Variants in ASCC3 observed in about 807,000 individuals in gnomAD.
ASCC3 encodes ASC-1 complex subunit P200.
Under a neutral mutation model 256.3 loss-of-function variants are expected in ASCC3, and 158 were observed. The observed-to-expected ratio is 0.62, with a 90% CI of 0.54 to 0.70. The LOEUF is 0.70. Among genes scored for constraint, ASCC3 ranks in the 30% least tolerant of loss-of-function variants. ASCC3 has a pLI of 0.00. For synonymous variants in ASCC3, 948 were observed against 883.4 expected (o/e 1.07, Z -1.30); for missense variants, 2,259 against 2,626.0 (o/e 0.86, Z 3.05).
chr6:100,802,835 AT>A (rs1047530764), intron 5 of ASCC3, among the ~76,000 whole-genome samples: 2 of 151,682 alleles, frequency 1.3e-5, no homozygotes, highest in African/African-American at 4.8e-5. Context: ...TCTCATCTTT[AT>A]AAAAAAAAAA....
At chr6:100,765,528 T>TCTA (rs1228406799) in intron 10 of ASCC3, among the ~76,000 whole-genome samples, 1 of 152,170 alleles carries the variant, frequency 6.6e-6, no homozygotes, top group Non-Finnish European at 1.5e-5. Context: ...AATCTATACA[T>TCTA]CTACCTGTGT....
At position 100,798,702 on chromosome 6, in the gene ASCC3, G is replaced by A; in HGVS notation, c.1395+11C>T. On this transcript the variant is annotated intron_variant, in intron 8 of 41. Transcript: ENST00000369162. ...CTCAAAACTATCAACTCTATAAAAG[G>A]CTCATCTCACCTCATCTAAGTCTTG... 6.2e-7 allele frequency: 1 copy of A among 1,611,566 alleles called. No homozygotes were observed. The highest frequency in any genetic ancestry group is 8.5e-7 in the Non-Finnish European group (1 of 1,179,238).
At chr6:100,773,811 G>A (rs973309805) in intron 8 of ASCC3, among the ~76,000 whole-genome samples, 1 of 152,028 alleles carries the variant, frequency 6.6e-6, no homozygotes, top group Non-Finnish European at 1.5e-5. Flanking sequence ...AATTAAATGA[G>A]GGGAAAAGTT....
intron 30 of ASCC3, among the ~76,000 whole-genome samples, chr6:100,608,118 C>CGATATATACATATATATGTATATATATG (rs1773044100): frequency 8.6e-5 from 2 of 23,350 alleles, no homozygotes; most frequent in East Asian, 1.9e-3. Flanking sequence ...GTATATATAT[C>CGATATATACATATATATGTATATATATG]TATATATACA....
intron 4 of ASCC3, among the ~76,000 whole-genome samples, chr6:100,844,477 T>G (rs2114494396): frequency 6.6e-6 from 1 of 152,136 alleles, no homozygotes; most frequent in East Asian, 1.9e-4. Context: ...ACCCTACTGC[T>G]ACAATTCTGG....
At chr6:100,678,070 A>G (rs1777117491) in intron 14 of ASCC3, among the ~76,000 whole-genome samples, 1 of 152,182 alleles carries the variant, frequency 6.6e-6, no homozygotes, top group African/African-American at 2.4e-5. Flanking sequence ...ATAGATTGTA[A>G]GGATTGAATG....
At position 100,628,982 on chromosome 6, in the gene ASCC3, T is replaced by C. The variant is rs1052877174; in HGVS notation, c.4375+33A>G. 3.8e-6 allele frequency: 6 copies of C among 1,598,556 alleles called. No individual in the cohort carries two copies. The South Asian group carries it at 5.6e-5, about 15-fold the overall frequency. On this transcript the variant is annotated intron_variant, in intron 27 of 41. Coordinates refer to ENST00000369162, the MANE Select transcript of ASCC3 (RefSeq NM_006828.4). ...AATTAATATTTTACAAAGTTAAAGTTTGTAAACTGGCTTTAGATACAGTGG... is the reference window on the plus strand; with the variant it reads ...AATTAATATTTTACAAAGTTAAAGTCTGTAAACTGGCTTTAGATACAGTGG...
At chr6:100,796,065 T>A (rs1328123491) in intron 8 of ASCC3, among the ~76,000 whole-genome samples, 1 of 152,138 alleles carries the variant, frequency 6.6e-6, no homozygotes, top group Non-Finnish European at 1.5e-5. Flanking sequence ...CCAGTTATTA[T>A]TAGCCATTAG....
intron 13 of ASCC3, among the ~76,000 whole-genome samples, chr6:100,686,434 A>G (rs1382547224): frequency 6.6e-6 from 1 of 152,190 alleles, no homozygotes; most frequent in Non-Finnish European, 1.5e-5. Flanking sequence ...TATTTAAACA[A>G]CTACAAATTC....
intron 13 of ASCC3, among the ~76,000 whole-genome samples, chr6:100,713,773 T>C (rs1025056451): frequency 6.6e-6 from 1 of 151,944 alleles, no homozygotes; most frequent in African/African-American, 2.4e-5. Flanking sequence ...TGAATCTTTT[T>C]GATATTCCCT....
chr6:100,530,580 G>C, intron 37 of ASCC3: 1 of 787,234 alleles, frequency 1.3e-6, no homozygotes, highest in Non-Finnish European at 2.4e-6. Flanking sequence ...CAGCATTAGT[G>C]TGTTGATTAT....
chr6:100,772,272 T>C (rs1781975692), intron 8 of ASCC3, among the ~76,000 whole-genome samples: 1 of 152,080 alleles, frequency 6.6e-6, no homozygotes. Flanking sequence ...TTTTTAAAAG[T>C]TAAACAACAT....
chr6:100,860,920 A>G (rs752709020), intron 3 of ASCC3, among the ~76,000 whole-genome samples: 1 of 152,124 alleles, frequency 6.6e-6, no homozygotes, highest in East Asian at 1.9e-4. Context: ...GTATCATTCT[A>G]AAGAATCTGA....
intron 4 of ASCC3, among the ~76,000 whole-genome samples, chr6:100,838,784 TAGA>T (rs553859406): frequency 4.6e-5 from 7 of 152,084 alleles, no homozygotes; most frequent in Non-Finnish European, 1.0e-4. Context: ...CCTTGATTCT[TAGA>T]AGGATATTCT....
chr6:100,823,894 T>C (rs1771172567), intron 4 of ASCC3, among the ~76,000 whole-genome samples: 1 of 152,230 alleles, frequency 6.6e-6, no homozygotes. Flanking sequence ...GGAACAATGC[T>C]ATAGTGTATG....
At chr6:100,600,238 C>G (rs1035020610) in intron 34 of ASCC3, among the ~76,000 whole-genome samples, 2 of 144,938 alleles carry the variant, frequency 1.4e-5, no homozygotes, top group African/African-American at 5.1e-5. Context: ...CACACACACA[C>G]AGTTGTAGAT....
intron 36 of ASCC3, among the ~76,000 whole-genome samples, chr6:100,582,590 C>A (rs1771356363): frequency 6.6e-6 from 1 of 152,096 alleles, no homozygotes; most frequent in Non-Finnish European, 1.5e-5. Context: ...CCTTCTCCTG[C>A]CTAAATGCCC....
At chr6:100,757,317 A>C (rs960195079) in intron 10 of ASCC3, among the ~76,000 whole-genome samples, 1 of 152,054 alleles carries the variant, frequency 6.6e-6, no homozygotes, top group South Asian at 2.1e-4. Context: ...ACAAGACAAC[A>C]CTAGAATTGA....
intron 17 of ASCC3, among the ~76,000 whole-genome samples, chr6:100,655,176 G>T (rs1775858206): frequency 6.6e-6 from 1 of 151,846 alleles, no homozygotes; most frequent in Non-Finnish European, 1.5e-5. Flanking sequence ...TTCATAGGAA[G>T]AACTGCTATC....
Sources: allele counts gnomAD v4.1 joint callset (sites outside exome capture counted in the v4.1 genomes callset), GRCh38; gene constraint gnomAD v4.1.1; transcripts MANE v1.5; gene names NCBI Gene and HGNC (gene_info 2026-07-23, HGNC 2026-07-21).